SVIL: variants seen among roughly 807,000 people sequenced by gnomAD.
The protein encoded by SVIL is supervillin.
Under a neutral mutation model 240.4 loss-of-function variants are expected in SVIL, and 101 were observed. That is an observed-to-expected ratio of 0.42 (90% CI 0.36 to 0.50). SVIL has a LOEUF of 0.50. Ranked by LOEUF, SVIL falls within the 20% of genes least tolerant of loss-of-function variation. The pLI is 0.01. For synonymous variants in SVIL, 999 were observed against 1,100.0 expected (o/e 0.91, Z 1.82); for missense variants, 2,512 against 2,818.7 (o/e 0.89, Z 2.46).
intron 1 of SVIL, among the ~76,000 whole-genome samples, chr10:29,615,958 A>C (rs1374202209): frequency 6.6e-6 from 1 of 152,222 alleles, no homozygotes; most frequent in Non-Finnish European, 1.5e-5. Context: ...TTTCCTACAC[A>C]ATTTGCAATG....
rs746798799 is a variant in SVIL at position 29,533,207 on chromosome 10, T to TTTTCTGGGG, written c.1151_1159dup (p.Thr384_Glu386dup). 18 of 1,613,994 alleles carry TTTTCTGGGG rather than the reference T, an allele frequency of 1.1e-5. No individual in the cohort carries two copies. The East Asian group carries it at 3.8e-4, about 34-fold the overall frequency. ...TGCTACCCAGCTACACTCAGATGCA[T>TTTTCTGGGG]TTTCTGGGGTTTCTGGCGTCACTAG... is the stretch of plus-strand genomic sequence containing the variant. On this transcript the variant is annotated inframe_insertion, in exon 8 of 38. Coordinates refer to ENST00000355867, the MANE Select transcript of SVIL (RefSeq NM_021738.3).
At position 29,482,123 on chromosome 10, in the gene SVIL, G is replaced by A. The variant is rs377471830; in HGVS notation, c.4956-395C>T. ...AGCTCCCTGCAGCCTTGAACTCCTG[G>A]GCTGCAGTGATCCTCCTGCCTCAGC... On this transcript the variant is annotated intron_variant, in intron 27 of 37. Transcript: ENST00000355867. Among the ~76,000 whole-genome samples, 12 of 151,540 alleles carry A rather than the reference G, an allele frequency of 7.9e-5. No individual in the cohort carries two copies. In the East Asian group the frequency reaches 1.2e-3, roughly 15 times the overall value.
intron 1 of SVIL, among the ~76,000 whole-genome samples, chr10:29,694,363 T>C (rs1961759417): frequency 1.3e-5 from 2 of 150,206 alleles, no homozygotes; most frequent in African/African-American, 4.9e-5. Context: ...ATCACACCAC[T>C]GCACTCCAAC....
In SVIL at chr10:29,463,762, C is replaced by G; in HGVS notation, c.6134-127G>C. The G allele has an allele frequency of 5.2e-6, 7 of 1,355,968 alleles. No individual in the cohort carries two copies. In the South Asian group the frequency reaches 1.0e-4, roughly 20 times the overall value. 84.0% of individuals were successfully genotyped at this position (1,355,968 alleles called of 1,614,324 possible). On this transcript the variant is annotated intron_variant, in intron 34 of 37. Coordinates refer to ENST00000355867, the MANE Select transcript of SVIL (RefSeq NM_021738.3). ...GTGTCACAGGGGGAAACCCCCTTGGCCATCAAACCAGGGGCAAAGGGGCAA... is the reference window on the plus strand; with the variant it reads ...GTGTCACAGGGGGAAACCCCCTTGGGCATCAAACCAGGGGCAAAGGGGCAA...
chr10:29,715,654 T>C (rs1302628101), intron 1 of SVIL, among the ~76,000 whole-genome samples: 1 of 152,150 alleles, frequency 6.6e-6, no homozygotes, highest in Non-Finnish European at 1.5e-5. Flanking sequence ...CCTAGCACAG[T>C]GGGAAGTTGT....
At chr10:29,465,028 C>T (rs1215788351) in intron 34 of SVIL, among the ~76,000 whole-genome samples, 2 of 152,218 alleles carry the variant, frequency 1.3e-5, no homozygotes, top group Non-Finnish European at 2.9e-5. Flanking sequence ...AATACCCCAA[C>T]ATCCTTCTCC....
intron 36 of SVIL, among the ~76,000 whole-genome samples, chr10:29,460,407 C>G (rs918900750): frequency 6.6e-6 from 1 of 152,114 alleles, no homozygotes; most frequent in African/African-American, 2.4e-5. Flanking sequence ...GTAAATGGCC[C>G]CGCTGCTAAC....
chr10:29,662,211 C>G (rs1366891281), intron 2 of SVIL, among the ~76,000 whole-genome samples: 3 of 152,158 alleles, frequency 2.0e-5, no homozygotes, highest in African/African-American at 7.2e-5. Context: ...GCACTTCCTC[C>G]CCGGTCTCAT....
chr10:29,531,236 A>AT lies in SVIL; in HGVS notation c.2044+17_2044+18insA. ...GATGAGATAATAAAGAAGAAAAAAA[A>AT]GGGAAACAGGTACTTGCCATCGACA... On this transcript the variant is annotated intron_variant, in intron 10 of 37. Coordinates refer to ENST00000355867, the MANE Select transcript of SVIL (RefSeq NM_021738.3). 6.2e-7 allele frequency: 1 copy of AT among 1,612,902 alleles called. No individual in the cohort carries two copies. The highest frequency in any genetic ancestry group is 8.5e-7 in the Non-Finnish European group (1 of 1,179,548).
At chr10:29,650,523 T>C (rs1404699917) in intron 3 of SVIL, among the ~76,000 whole-genome samples, 1 of 152,158 alleles carries the variant, frequency 6.6e-6, no homozygotes, top group African/African-American at 2.4e-5. Context: ...ATAATATGTA[T>C]TTATTACCAC....
chr10:29,582,141 T>C (rs183747307), intron 1 of SVIL, among the ~76,000 whole-genome samples: 3 of 152,212 alleles, frequency 2.0e-5, no homozygotes, highest in Admixed American at 2.0e-4. Flanking sequence ...ATGGTGGTGA[T>C]GGCTGCACAC....
At chr10:29,593,596 CCTT>C (rs1286851278) in intron 1 of SVIL, among the ~76,000 whole-genome samples, 1 of 152,188 alleles carries the variant, frequency 6.6e-6, no homozygotes, top group African/African-American at 2.4e-5. Context: ...CTCCCGGCCT[CCTT>C]CTCAAATCTC....
chr10:29,576,475 C>T lies in SVIL; in HGVS notation c.-200-7163G>A, dbSNP rs558974313. On this transcript the variant is annotated intron_variant, in intron 1 of 37. Coordinates refer to ENST00000355867, the MANE Select transcript of SVIL (RefSeq NM_021738.3). The stretch of plus-strand genomic sequence containing the variant: ...TGTTTGTGGTTTATTGATGATGACT[C>T]AGAACATAAAGACTATGGCATTATG... Among the ~76,000 whole-genome samples the T allele has an allele frequency of 2.8e-3, 433 of 152,236 alleles. 3 individuals carry two copies. Among genetic ancestry groups the T allele is most frequent in the Non-Finnish European group, 4.5e-3 (303 of 68,018 alleles).
rs565962057 is a variant in SVIL at position 29,694,660 on chromosome 10, A to C, written c.-399-8009T>G. On this transcript the variant is annotated intron_variant, in intron 1 of 35. Transcript: ENST00000375400. ...TTTTCAGTAGAGAAAAGGTTTTGCT[A>C]TGTTGGCCGGGTTGGTCCCAAACTC... is the stretch of plus-strand genomic sequence containing the variant. 2.6e-5 allele frequency among the ~76,000 whole-genome samples: 4 copies of C among 152,224 alleles called. No individual in the cohort carries two copies. The South Asian group carries it at 8.3e-4, about 32-fold the overall frequency.
intron 1 of SVIL, among the ~76,000 whole-genome samples, chr10:29,703,062 A>G (rs368197369): frequency 2.1e-4 from 32 of 152,288 alleles, no homozygotes; most frequent in African/African-American, 7.7e-4. Context: ...AAGGGGCCCC[A>G]TGTAAGCGAG....
chr10:29,493,273 T>C lies in SVIL; in HGVS notation c.3960A>G (p.Pro1320=). The change falls in exon 21 of 38, where the codon CCA becomes CCG. Residue 1320 remains proline (P), a synonymous_variant. Coordinates refer to ENST00000355867, the MANE Select transcript of SVIL (RefSeq NM_021738.3). ...KFYRSVDYNM[P]RSPVEMDEDF... ...CCTCATCCATCTCCACAGGACTTCTTGGCATATTATAATCCACGCTGCGGT... is the reference window on the plus strand; with the variant it reads ...CCTCATCCATCTCCACAGGACTTCTCGGCATATTATAATCCACGCTGCGGT... 1.2e-6 allele frequency: 2 copies of C among 1,614,184 alleles called. No homozygotes were observed. The highest frequency in any genetic ancestry group is 1.7e-6 in the Non-Finnish European group (2 of 1,180,038).
intron 1 of SVIL, among the ~76,000 whole-genome samples, chr10:29,615,206 CA>C (rs1317965774): frequency 4.0e-4 from 61 of 152,196 alleles, no homozygotes; most frequent in African/African-American, 1.4e-3. Context: ...AAAAAACTAT[CA>C]TATCACAATC....
intron 1 of SVIL, among the ~76,000 whole-genome samples, chr10:29,692,201 G>C (rs1456842973): frequency 6.6e-6 from 1 of 152,132 alleles, no homozygotes; most frequent in Admixed American, 6.6e-5. Flanking sequence ...GTAGAGGTTC[G>C]TCAACATGAA....
intron 3 of SVIL, among the ~76,000 whole-genome samples, chr10:29,562,769 G>GAAAAAAAAAAAAAAAAAAAAAAA (rs34507610): frequency 1.7e-5 from 2 of 115,718 alleles, no homozygotes; most frequent in African/African-American, 3.3e-5. Flanking sequence ...TCAAAAAAAA[G>GAAAAAAAAAAAAAAAAAAAAAAA]AAAAAAAAAA....
Sources: allele counts gnomAD v4.1 joint callset (sites outside exome capture counted in the v4.1 genomes callset), GRCh38; gene constraint gnomAD v4.1.1; transcripts MANE v1.5; gene names NCBI Gene and HGNC (gene_info 2026-07-23, HGNC 2026-07-21).